Variants in TULP4 observed in about 807,000 individuals in gnomAD.
TULP4 encodes the protein tubby-related protein 4.
In TULP4, 16 loss-of-function variants were observed where a neutral mutation model predicts 129.0. That is an observed-to-expected ratio of 0.12 (90% CI 0.08 to 0.19). TULP4 has a LOEUF of 0.19. Among genes scored for constraint, TULP4 ranks in the 10% least tolerant of loss-of-function variants. TULP4 has a pLI of 1.00. For synonymous variants in TULP4, 998 were observed against 854.0 expected, an observed-to-expected ratio of 1.17 and a Z score of -2.94; for missense variants, 1,842 against 2,059.1, an observed-to-expected ratio of 0.89 and a Z score of 2.04.
At chr6:158,248,762 G>A (rs1450491172) in intron 1 of TULP4, among the ~76,000 whole-genome samples, 1 of 151,878 alleles carries the variant, frequency 6.6e-6, no homozygotes, top group Non-Finnish European at 1.5e-5. Flanking sequence ...AAATAAGTAA[G>A]TAAGTAAATA....
chr6:158,408,860 A>G (rs1037505115), intron 1 of TULP4, among the ~76,000 whole-genome samples: 4 of 152,204 alleles, frequency 2.6e-5, no homozygotes, highest in African/African-American at 9.7e-5. Context: ...TTTCTTGCAC[A>G]ATTGTAGTTG....
chr6:158,281,367 C>T (rs1363960626), upstream of TULP4, among the ~76,000 whole-genome samples: 1 of 152,158 alleles, frequency 6.6e-6, no homozygotes, highest in Non-Finnish European at 1.5e-5. Context: ...GCGCCTACCA[C>T]CATGCCTGGC....
At chr6:158,360,283 G>A (rs2114832831) in intron 1 of TULP4, among the ~76,000 whole-genome samples, 1 of 152,202 alleles carries the variant, frequency 6.6e-6, no homozygotes, top group African/African-American at 2.4e-5. Flanking sequence ...GCACTCTTGG[G>A]CATTCCTGGT....
At chr6:158,364,514 T>C (rs1780879293) in intron 1 of TULP4, among the ~76,000 whole-genome samples, 1 of 152,212 alleles carries the variant, frequency 6.6e-6, no homozygotes, top group South Asian at 2.1e-4. Flanking sequence ...GTTTCATCTT[T>C]ACTCTTCCTG....
upstream of TULP4, among the ~76,000 whole-genome samples, chr6:158,280,636 C>G (rs1778732206): frequency 6.6e-6 from 1 of 152,226 alleles, no homozygotes; most frequent in African/African-American, 2.4e-5. Flanking sequence ...GTCTGCAAGC[C>G]TAGCTTTCCT....
chr6:158,305,306 G>T (rs565187923), intron 1 of TULP4, among the ~76,000 whole-genome samples: 1 of 146,890 alleles, frequency 6.8e-6, no homozygotes, highest in Non-Finnish European at 1.5e-5. Context: ...AAGGCTGAAT[G>T]ATATTTCATT....
chr6:158,335,838 A>G (rs1353041723), intron 1 of TULP4, among the ~76,000 whole-genome samples: 1 of 152,178 alleles, frequency 6.6e-6, no homozygotes, highest in African/African-American at 2.4e-5. Context: ...ACTATATTTT[A>G]CCCAACAACT....
chr6:158,483,634 G>A (rs922679045), intron 8 of TULP4, among the ~76,000 whole-genome samples: 1 of 152,108 alleles, frequency 6.6e-6, no homozygotes, highest in Non-Finnish European at 1.5e-5. Flanking sequence ...ATCATTAAAA[G>A]CTGATTAACT....
At chr6:158,406,038 G>A (rs1777971278) in intron 1 of TULP4, among the ~76,000 whole-genome samples, 1 of 152,094 alleles carries the variant, frequency 6.6e-6, no homozygotes, top group African/African-American at 2.4e-5. Context: ...GTGCTCCTTG[G>A]GCAGGCGTCT....
chr6:158,475,494 G>A (rs1779797852), intron 6 of TULP4, among the ~76,000 whole-genome samples: 1 of 152,280 alleles, frequency 6.6e-6, no homozygotes. Context: ...TTGAGAAAGA[G>A]ATTAAGACCG....
intron 9 of TULP4, among the ~76,000 whole-genome samples, chr6:158,490,288 C>G (rs1780170908): frequency 6.6e-6 from 1 of 152,122 alleles, no homozygotes. Context: ...CCCAGCTACT[C>G]AGGAGGCTGA....
intron 1 of TULP4, among the ~76,000 whole-genome samples, chr6:158,263,204 A>G (rs565429267): frequency 1.3e-5 from 2 of 152,306 alleles, no homozygotes; most frequent in East Asian, 3.9e-4. Flanking sequence ...TCAGGACTTG[A>G]ACTGTTGAAC....
At chr6:158,370,091 G>A (rs917493705) in intron 1 of TULP4, among the ~76,000 whole-genome samples, 2 of 151,968 alleles carry the variant, frequency 1.3e-5, no homozygotes, top group East Asian at 3.9e-4. Flanking sequence ...GCATGCCAGT[G>A]GTCCTGGCTA....
At chr6:158,309,031 C>T (rs1446419661), upstream of TULP4, among the ~76,000 whole-genome samples, 5 of 139,864 alleles carry the variant, frequency 3.6e-5, no homozygotes, top group South Asian at 2.4e-4. Context: ...CTGGCGGGGG[C>T]TGACCCCCAC....
At chr6:158,292,731 G>A (rs987164637) in intron 1 of TULP4, among the ~76,000 whole-genome samples, 3 of 151,940 alleles carry the variant, frequency 2.0e-5, no homozygotes, top group African/African-American at 4.8e-5. Context: ...TTATACAAAC[G>A]CTATAAGAAA....
At chr6:158,263,918 C>A (rs1407754472) in intron 1 of TULP4, among the ~76,000 whole-genome samples, 1 of 151,990 alleles carries the variant, frequency 6.6e-6, no homozygotes, top group Non-Finnish European at 1.5e-5. Context: ...CAAAAATTAC[C>A]TGGGCGTGGT....
intron 1 of TULP4, among the ~76,000 whole-genome samples, chr6:158,408,219 A>G (rs1451567218): frequency 2.6e-5 from 4 of 152,052 alleles, no homozygotes; most frequent in African/African-American, 4.8e-5. Context: ...AGTGCTTGGA[A>G]CTTCAGGGAA....
intron 1 of TULP4, among the ~76,000 whole-genome samples, chr6:158,331,964 G>A (rs1028521859): frequency 1.4e-5 from 2 of 148,072 alleles, no homozygotes; most frequent in African/African-American, 4.9e-5. Context: ...CCGAGGTCAG[G>A]AATTCGACAC....
chr6:158,354,814 G>A (rs962945126), intron 1 of TULP4, among the ~76,000 whole-genome samples: 2 of 150,006 alleles, frequency 1.3e-5, no homozygotes, highest in African/African-American at 4.9e-5. Context: ...CTTGGGCCCA[G>A]GAGTTCTAGG....
Sources: gnomAD v4.1 joint callset for allele counts (sites outside exome capture counted in the v4.1 genomes callset) on GRCh38, gnomAD v4.1.1 for gene constraint, MANE v1.5 for transcripts, NCBI Gene and HGNC (gene_info 2026-07-23, HGNC 2026-07-21) for gene names.